The following LYSMD2 variants were observed in gnomAD, a reference collection of about 807,000 sequenced individuals.
The protein encoded by LYSMD2 is lysM and putative peptidoglycan-binding domain-containing protein 2.
A neutral mutation model predicts 17.7 loss-of-function variants in LYSMD2; 6 were observed. The ratio of observed to expected loss-of-function variants is 0.34; its 90% CI spans 0.19 to 0.67. LYSMD2 has a LOEUF of 0.67. Ranked by LOEUF, LYSMD2 falls within the 30% of genes least tolerant of loss-of-function variation. The pLI, the probability that LYSMD2 is intolerant of heterozygous loss-of-function variation, is 0.69. For synonymous variants in LYSMD2, 102 were observed against 129.8 expected (o/e 0.79, Z 1.45); for missense variants, 237 against 286.7 (o/e 0.83, Z 1.25).
chr15:51,738,375 G>A (rs2055626456), upstream of LYSMD2, among the ~76,000 whole-genome samples: 1 of 152,128 alleles, frequency 6.6e-6, no homozygotes, highest in African/African-American at 2.4e-5. Flanking sequence ...TGCCTCGAAA[G>A]GCTGGCCACA....
upstream of LYSMD2, chr15:51,737,722 A>T: frequency 1.1e-6 from 1 of 914,000 alleles, no homozygotes. The surrounding 1 kb of genome is among the most constrained non-coding windows in gnomAD (Gnocchi z 4.2). Context: ...CAGGGGCTGC[A>T]GCAGGCCGTT....
At chr15:51,735,199 T>G (rs1250323965) in intron 1 of LYSMD2, among the ~76,000 whole-genome samples, 1 of 152,038 alleles carries the variant, frequency 6.6e-6, no homozygotes, top group Admixed American at 6.5e-5. Context: ...CTGAAGATAT[T>G]AAAACAAGAA....
chr15:51,724,598 AAAAG>A (rs577625442), intron 2 of LYSMD2, among the ~76,000 whole-genome samples, 188 bp downstream of exon 2: 86 of 107,776 alleles, frequency 8.0e-4, no homozygotes, highest in South Asian at 4.2e-3. Flanking sequence ...TTAAAGCAAA[AAAAG>A]AAAGAAAGAA....
intron 1 of LYSMD2, among the ~76,000 whole-genome samples, chr15:51,731,687 AG>A (rs2055578008): frequency 6.6e-6 from 1 of 152,168 alleles, no homozygotes; most frequent in African/African-American, 2.4e-5. Context: ...TGCAAATCAT[AG>A]GTCCACCTGG....
chr15:51,724,646 G>T (rs1031686806), intron 2 of LYSMD2, 144 bp downstream of exon 2: 1 of 521,942 alleles, frequency 1.9e-6, no homozygotes, highest in Non-Finnish European at 3.1e-6. Context: ...AAGAAAGAAA[G>T]AAATTAAGAA....
chr15:51,724,786 T>C lies in LYSMD2; in HGVS notation c.605+4A>G, dbSNP rs1350706121. The C allele has an allele frequency of 6.2e-7, 1 of 1,607,362 alleles. No individual in the cohort carries two copies. Among genetic ancestry groups the C allele is most frequent in the East Asian group, 2.2e-5 (1 of 44,788 alleles). On this transcript the variant is annotated splice_donor_region_variant and intron_variant, in intron 2 of 2. Coordinates refer to ENST00000267838, the MANE Select transcript of LYSMD2 (RefSeq NM_153374.3). The stretch of plus-strand genomic sequence containing the variant: ...CTTTGACATTTGTACCAGGGTATTC[T>C]TACCTGCTCTCTTCTTTTAGCTTCT...
chr15:51,747,934 T>C (rs1347596771), intron 1 of LYSMD2, among the ~76,000 whole-genome samples: 2 of 152,186 alleles, frequency 1.3e-5, no homozygotes, highest in Non-Finnish European at 2.9e-5. Context: ...TCTCAGTTAG[T>C]CTTTCTAATA....
chr15:51,736,788 G>A (rs2055611863), intron 1 of LYSMD2, among the ~76,000 whole-genome samples: 1 of 152,142 alleles, frequency 6.6e-6, no homozygotes, highest in South Asian at 2.1e-4. Context: ...TTAGCGACAG[G>A]TGTCACATTC....
chr15:51,737,563 G>A lies in LYSMD2; in HGVS notation c.60C>T (p.Pro20=). ...AGCGCGGCGGCGGCGAGGGGGCCGA[G>A]GGCCGCGGCGCGCGGGGGCCGCCTT... ...LREGGPRAPR[P]SAPSPPPRSR... is the part of the protein sequence containing the mutation. The change falls in exon 1 of 3, where the codon CCC becomes CCT. Residue 20 remains proline (P), a synonymous_variant. Coordinates refer to ENST00000267838, the MANE Select transcript of LYSMD2 (RefSeq NM_153374.3). The surrounding 1 kb of genome is among the most constrained non-coding windows in gnomAD (Gnocchi z 4.2). 8.2e-7 allele frequency: 1 copy of A among 1,221,458 alleles called. No individual in the cohort carries two copies. The highest frequency in any genetic ancestry group is 1.0e-6 in the Non-Finnish European group (1 of 983,410). 75.7% of individuals were successfully genotyped at this position (1,221,458 alleles called of 1,614,324 possible). A position where few individuals can be genotyped will look rare whatever the true frequency, so the allele number is the denominator to read the frequency against.
intron 1 of LYSMD2, among the ~76,000 whole-genome samples, chr15:51,748,261 CAAAAAAAAAAAA>C (rs10556304): frequency 5.0e-5 from 3 of 60,208 alleles, no homozygotes; most frequent in South Asian, 8.1e-4. Context: ...GACTCCGTCT[CAAAAAAAAAAAA>C]AAAAAAAAAA....
At chr15:51,732,349 A>T (rs1266370981) in intron 1 of LYSMD2, among the ~76,000 whole-genome samples, 1 of 152,228 alleles carries the variant, frequency 6.6e-6, no homozygotes, top group Non-Finnish European at 1.5e-5. Flanking sequence ...CTAGCCACAG[A>T]AGATACAAAC....
chr15:51,744,849 G>A (rs775584133), intron 1 of LYSMD2, among the ~76,000 whole-genome samples: 5 of 151,606 alleles, frequency 3.3e-5, no homozygotes, highest in African/African-American at 7.3e-5. Flanking sequence ...TGAAAAGATC[G>A]ACAAAATTGA....
chr15:51,740,011 T>G (rs1426536337), upstream of LYSMD2, among the ~76,000 whole-genome samples: 1 of 152,178 alleles, frequency 6.6e-6, no homozygotes, highest in Non-Finnish European at 1.5e-5. Flanking sequence ...TAGGTTGGAG[T>G]GCAGTGGTGT....
intron 2 of LYSMD2, 43 bp downstream of exon 2, chr15:51,724,747 G>C: frequency 1.4e-5 from 19 of 1,396,480 alleles, no homozygotes; most frequent in Non-Finnish European, 1.9e-5. Context: ...CATCTTAATA[G>C]TGATTTATTT....
intron 1 of LYSMD2, among the ~76,000 whole-genome samples, chr15:51,733,770 A>ACATGCC (rs1485860720): frequency 1.3e-5 from 2 of 152,340 alleles, no homozygotes; most frequent in Non-Finnish European, 2.9e-5. Context: ...TGCGCAGGTC[A>ACATGCC]CATGCCCATG....
intron 1 of LYSMD2, among the ~76,000 whole-genome samples, chr15:51,733,683 T>C (rs1282737777): frequency 6.6e-6 from 1 of 152,094 alleles, no homozygotes; most frequent in Non-Finnish European, 1.5e-5. Context: ...GTTCACAAAC[T>C]ATTAAAAATT....
rs751250318 is a variant in LYSMD2, at chr15:51,737,500, C to A, written c.123G>T (p.Ser41=). Residue 41 remains serine, a synonymous_variant, in exon 1 of 3, where the codon TCG becomes TCT. Coordinates refer to ENST00000267838, the MANE Select transcript of LYSMD2 (RefSeq NM_153374.3). This position sits in a 1 kb window ranked among gnomAD's most constrained non-coding sequence, Gnocchi z 4.2. ...GGGTCTTGGTGCGGGCCAGGCTCAG[C>A]GACAGCTCGGCCTCCTCGGACTCGG... is the stretch of plus-strand genomic sequence containing the variant. The part of the protein sequence containing the change: ...SGSESEEAEL[S]LSLARTKTRS... 9.5e-5 allele frequency: 126 copies of A among 1,330,766 alleles called. No homozygotes were observed. In the African/African-American group the frequency reaches 1.5e-3, roughly 16 times the overall value. 82.4% of individuals were successfully genotyped at this position (1,330,766 alleles called of 1,614,324 possible). A position where few individuals can be genotyped will look rare whatever the true frequency, so the allele number is the denominator to read the frequency against.
At chr15:51,744,938 C>A (rs552615616) in intron 1 of LYSMD2, among the ~76,000 whole-genome samples, 2 of 152,150 alleles carry the variant, frequency 1.3e-5, no homozygotes, top group African/African-American at 4.8e-5. Flanking sequence ...GGGGATATTA[C>A]TACTGATCTT....
In LYSMD2 at chr15:51,743,182, C is replaced by A. The variant is rs187075309; in HGVS notation, c.-1+8089G>T. Among the ~76,000 whole-genome samples the A allele has an allele frequency of 8.1e-4, 123 of 152,242 alleles. No homozygotes were observed. The Middle Eastern group carries it at 0.017, about 21-fold the overall frequency. On this transcript the variant is annotated intron_variant, in intron 1 of 2. Coordinates refer to the LYSMD2 transcript ENST00000454181. ...TTGAGATGGGGGTCTCACTATATTG[C>A]CCAGTCTGGTCTCAAATTCCTGGAG... is the stretch of plus-strand genomic sequence containing the variant.
Sources: allele counts gnomAD v4.1 joint callset (sites outside exome capture counted in the v4.1 genomes callset), GRCh38; gene constraint gnomAD v4.1.1; non-coding constraint Gnocchi (gnomAD v3.1); transcripts MANE v1.5; gene names NCBI Gene and HGNC (gene_info 2026-07-23, HGNC 2026-07-21).